Variants in RADIL observed in about 807,000 individuals in gnomAD.
The protein encoded by RADIL is Rap associating with DIL domain, also known as ras-associating and dilute domain-containing protein.
A neutral mutation model predicts 97.6 loss-of-function variants in RADIL; 99 were observed. The ratio of observed to expected loss-of-function variants is 1.01; its 90% CI spans 0.86 to 1.20. The LOEUF (loss-of-function observed/expected upper bound fraction) is 1.20. Among genes scored for constraint, RADIL ranks in the 50% most tolerant of loss-of-function variants. The pLI is 0.00. For missense variants in RADIL, 1,765 were observed against 1,498.9 expected (o/e 1.18, Z -2.93); for synonymous variants, 803 against 691.8 (o/e 1.16, Z -2.52).
rs943765109 is a variant in RADIL at position 4,818,802 on chromosome 7, G to T, written c.1616-1451C>A. On this transcript the variant is annotated intron_variant, in intron 6 of 14. Transcript: ENST00000399583. This position sits in a 1 kb window ranked among gnomAD's most constrained non-coding sequence, Gnocchi z 7.1. ...CTCCCTGGGCAGGGGCGGGGCACTG[G>T]TGGGAAGAGGGAAACGGGGCATGGG... Among the ~76,000 whole-genome samples, 1 of 152,198 alleles carries T rather than the reference G, an allele frequency of 6.6e-6. No individual in the cohort carries two copies. The highest frequency in any genetic ancestry group is 6.5e-5 in the Admixed American group (1 of 15,290).
Position 4,835,281 on chromosome 7 carries a change from G to A in RADIL, c.784-42C>T. 6.3e-7 allele frequency: 1 copy of A among 1,592,504 alleles called. No homozygotes were observed. Among genetic ancestry groups the A allele is most frequent in the Admixed American group, 1.7e-5 (1 of 58,908 alleles). ...GCTCAGGGCAGGCGTAACGCGAGCA[G>A]CACACGGGAAAAGCGTCCCGTGTCT... On this transcript the variant is annotated intron_variant, in intron 3 of 14. Transcript: ENST00000399583. This position sits in a 1 kb window ranked among gnomAD's most constrained non-coding sequence, Gnocchi z 5.8.
At chr7:4,843,911 CAAAAA>C (rs36122253) in intron 2 of RADIL, among the ~76,000 whole-genome samples, 17 of 97,682 alleles carry the variant, frequency 1.7e-4, no homozygotes, top group African/African-American at 1.9e-4. Flanking sequence ...GACTCCATTT[CAAAAA>C]AAAAAAAAAA....
intron 2 of RADIL, among the ~76,000 whole-genome samples, chr7:4,852,225 G>A (rs982514532): frequency 2.0e-5 from 3 of 152,200 alleles, no homozygotes; most frequent in African/African-American, 7.2e-5. Context: ...CAGACAGGAA[G>A]TGGCTGATAG....
chr7:4,803,720 G>A lies in RADIL; in HGVS notation c.2325C>T (p.Pro775=). 2 of 1,567,554 alleles carry A rather than the reference G, an allele frequency of 1.3e-6. No individual in the cohort carries two copies. The highest frequency in any genetic ancestry group is 1.7e-6 in the Non-Finnish European group (2 of 1,156,954). The change falls in exon 11 of 15, where the codon CCC becomes CCT. Residue 775 remains proline, a synonymous_variant. Coordinates refer to ENST00000399583, the MANE Select transcript of RADIL (RefSeq NM_018059.5). ...DVLESYENPP[P]IVLPSDGFQV... ...GGAAGCCGTCGCTGGGCAGGACGAT[G>A]GGTGGGGGGTTTTCGTAGGACTCCA...
In RADIL at chr7:4,801,743, C is replaced by T. The variant is rs934790366; in HGVS notation, c.2752G>A (p.Asp918Asn). 31 of 1,610,248 alleles carry T rather than the reference C, an allele frequency of 1.9e-5. No homozygotes were observed. Among genetic ancestry groups the T allele is most frequent in the Non-Finnish European group, 2.4e-5 (28 of 1,179,088 alleles). Residue 918 changes from aspartate (D) to asparagine (N), a missense_variant, in exon 12 of 15, where the codon GAC becomes AAC. Physicochemically the swap from Asp to Asn is conservative, Grantham distance 23. Transcript: ENST00000399583. ...CAGGGGCCGCCGGACTCTGGCCAGT[C>T]GGGGTCCCCAGGCTCAGGGCCAAGT... Reference protein sequence around the residue: ...TPLGPEPGDPDWPESGGPCGK... With the variant: ...TPLGPEPGDPNWPESGGPCGK...
intron 1 of RADIL, among the ~76,000 whole-genome samples, chr7:4,881,086 T>G (rs1583334649): frequency 4.2e-5 from 4 of 94,274 alleles, no homozygotes; most frequent in African/African-American, 8.6e-5. Context: ...GGCAATGGAG[T>G]GAGACCCTCT....
chr7:4,829,139 A>G (rs1353678860), intron 5 of RADIL, among the ~76,000 whole-genome samples: 1 of 151,334 alleles, frequency 6.6e-6, no homozygotes, highest in Non-Finnish European at 1.5e-5. Flanking sequence ...GAAAGCCCAC[A>G]AGATGTCAGG....
intron 2 of RADIL, chr7:4,865,407 A>G (rs1249229381): frequency 1.5e-6 from 1 of 649,216 alleles, no homozygotes; most frequent in Non-Finnish European, 2.8e-6. Flanking sequence ...GAACTCATAC[A>G]AAATATTTCA....
At chr7:4,864,330 G>A (rs1318718210) in intron 2 of RADIL, among the ~76,000 whole-genome samples, 2 of 152,152 alleles carry the variant, frequency 1.3e-5, no homozygotes, top group African/African-American at 4.8e-5. Flanking sequence ...ACCTCTAAAT[G>A]TTGGGAGTTC....
chr7:4,799,400 T>C lies in RADIL; in HGVS notation c.3206A>G (p.His1069Arg). Residue 1069 changes from histidine to arginine, a missense_variant, in exon 15 of 15, where the codon CAT becomes CGT. Physicochemically the swap from His to Arg is conservative, Grantham distance 29. Transcript: ENST00000399583. The stretch of plus-strand genomic sequence containing the variant: ...CCCCTAGAGAGGGGGCGTGCGGAAA[T>C]GGATCTTCTTGGCTGTTTCCACGTC... ...KSDVETAKKI[H>R]FRTPPL 1 of 1,613,548 alleles carries C rather than the reference T, an allele frequency of 6.2e-7. No individual in the cohort carries two copies. Among genetic ancestry groups the C allele is most frequent in the African/African-American group, 1.3e-5 (1 of 74,956 alleles).
In RADIL at chr7:4,799,258, G is replaced by A. The variant is rs1028894179; in HGVS notation, c.*120C>T. 25 of 839,676 alleles carry A rather than the reference G, an allele frequency of 3.0e-5. No homozygotes were observed. The highest frequency in any genetic ancestry group is 4.4e-5 in the Non-Finnish European group (23 of 518,996). 52.0% of individuals were successfully genotyped at this position (839,676 alleles called of 1,614,324 possible). ...TTATCAACAGGCATGTCCCCAGGGTGAGGCTCCCCACCCGGGACCCAACTT... is the reference window on the plus strand; with the variant it reads ...TTATCAACAGGCATGTCCCCAGGGTAAGGCTCCCCACCCGGGACCCAACTT... On this transcript the variant is annotated 3_prime_UTR_variant, in exon 15 of 15. Coordinates refer to ENST00000399583, the MANE Select transcript of RADIL (RefSeq NM_018059.5).
chr7:4,800,373 A>C, intron 12 of RADIL, 63 bp from the exon 13 acceptor site: 1 of 1,399,086 alleles, frequency 7.1e-7, no homozygotes. Flanking sequence ...GAGGAATGGG[A>C]TGTCCTGGCC....
At chr7:4,859,653 T>C (rs941593223) in intron 2 of RADIL, 6 of 500,268 alleles carry the variant, frequency 1.2e-5, no homozygotes, top group Admixed American at 3.5e-5. Context: ...TCATGGACCC[T>C]TGAGGTTGTT....
At chr7:4,802,094 C>T (rs989050246) in intron 11 of RADIL, 99 bp from the exon 12 acceptor site, 29 of 1,052,906 alleles carry the variant, frequency 2.8e-5, no homozygotes, top group South Asian at 5.2e-5. Flanking sequence ...CGCCAGGCCG[C>T]GGGGCAGAGG....
chr7:4,808,263 G>A (rs1019224265), intron 9 of RADIL, among the ~76,000 whole-genome samples: 3 of 150,652 alleles, frequency 2.0e-5, no homozygotes, highest in South Asian at 2.1e-4. Context: ...TCTCTGGAGG[G>A]CTTTTCTCCC....
chr7:4,864,866 C>T (rs1288080907), intron 2 of RADIL, among the ~76,000 whole-genome samples: 1 of 152,190 alleles, frequency 6.6e-6, no homozygotes, highest in East Asian at 1.9e-4. Flanking sequence ...TATTCTCTAC[C>T]TAGGAGCCAG....
At chr7:4,833,172 C>T (rs1392950114) in intron 4 of RADIL, among the ~76,000 whole-genome samples, 1 of 152,196 alleles carries the variant, frequency 6.6e-6, no homozygotes, top group Non-Finnish European at 1.5e-5. Flanking sequence ...GGTCCCTCAG[C>T]AAGTGACTTA....
intron 2 of RADIL, among the ~76,000 whole-genome samples, chr7:4,846,545 CT>C (rs367898251): frequency 0.38 from 47,346 of 125,098 alleles, 8,677 homozygotes; most frequent in African/African-American, 0.52. Context: ...CTGCATCTGT[CT>C]TTTTTTTTTT....
At chr7:4,860,454 G>C in intron 2 of RADIL, 1 of 1,614,156 alleles carries the variant, frequency 6.2e-7, no homozygotes, top group Non-Finnish European at 8.5e-7. Context: ...TCAATGCTGA[G>C]AATTTCAGAA....
Sources: gnomAD v4.1 joint callset for allele counts (sites outside exome capture counted in the v4.1 genomes callset) on GRCh38, gnomAD v4.1.1 for gene constraint, Gnocchi (gnomAD v3.1) non-coding constraint, MANE v1.5 for transcripts, NCBI Gene and HGNC (gene_info 2026-07-23, HGNC 2026-07-21) for gene names.